Variants in PTPRD observed in about 807,000 individuals in gnomAD.
PTPRD encodes the protein protein tyrosine phosphatase receptor type D.
A neutral mutation model predicts 214.5 loss-of-function variants in PTPRD; 34 were observed. The observed-to-expected ratio is 0.16, with a 90% CI of 0.12 to 0.21. PTPRD has a LOEUF of 0.21. Ranked by LOEUF, PTPRD falls within the 10% of genes least tolerant of loss-of-function variation. PTPRD has a pLI of 1.00. For missense variants in PTPRD, 2,545 were observed against 2,398.7 expected (o/e 1.06, Z -1.27); for synonymous variants, 1,128 against 845.7 (o/e 1.33, Z -5.79).
intron 11 of PTPRD, among the ~76,000 whole-genome samples, chr9:8,795,883 G>C (rs992251235): frequency 1.3e-5 from 2 of 151,986 alleles, no homozygotes; most frequent in Admixed American, 6.6e-5. Flanking sequence ...CAAACAAAAT[G>C]CATAAAAGTA....
At chr9:10,337,141 G>A (rs12380295) in intron 3 of PTPRD, among the ~76,000 whole-genome samples, 6 of 151,472 alleles carry the variant, frequency 4.0e-5, no homozygotes, top group Non-Finnish European at 8.9e-5. Flanking sequence ...TTCTAAAATC[G>A]AGTGGCCCAA....
chr9:8,473,799 G>A (rs1454965429), intron 30 of PTPRD, among the ~76,000 whole-genome samples: 2 of 152,166 alleles, frequency 1.3e-5, no homozygotes, highest in African/African-American at 4.8e-5. Context: ...GGTGCGGCAA[G>A]ATATCCACAA....
chr9:10,525,727 A>AGTGTGTGTGTGTGTGTGTGTGTGTGT (rs398010299), intron 2 of PTPRD, among the ~76,000 whole-genome samples: 67 of 147,050 alleles, frequency 4.6e-4, no homozygotes, highest in African/African-American at 1.5e-3. Context: ...AGATTTTCAA[A>AGTGTGTGTGTGTGTGTGTGTGTGTGT]GTGTGTGTGT....
intron 8 of PTPRD, among the ~76,000 whole-genome samples, chr9:9,493,910 G>A (rs1589820494): frequency 6.6e-6 from 1 of 151,514 alleles, no homozygotes; most frequent in South Asian, 2.1e-4. Flanking sequence ...AAACCTTGCA[G>A]AAAAAATTTA....
chr9:10,439,637 T>C (rs1478393398), intron 2 of PTPRD, among the ~76,000 whole-genome samples: 1 of 151,400 alleles, frequency 6.6e-6, no homozygotes, highest in Non-Finnish European at 1.5e-5. Flanking sequence ...AACTATAAAG[T>C]GAGTTTTAAA....
At chr9:9,095,068 C>T (rs1212336830) in intron 10 of PTPRD, among the ~76,000 whole-genome samples, 2 of 152,070 alleles carry the variant, frequency 1.3e-5, no homozygotes, top group Non-Finnish European at 2.9e-5. Context: ...ATGGTAAAAA[C>T]TTGCAGCAAG....
At chr9:8,657,189 C>CA (rs1301317535) in intron 12 of PTPRD, among the ~76,000 whole-genome samples, 1 of 120,248 alleles carries the variant, frequency 8.3e-6, no homozygotes, top group Non-Finnish European at 1.7e-5. Flanking sequence ...TTTTTTGAGA[C>CA]AGAGTTTCAC....
chr9:8,782,832 G>C (rs536722406), intron 11 of PTPRD, among the ~76,000 whole-genome samples: 5 of 152,176 alleles, frequency 3.3e-5, no homozygotes, highest in Admixed American at 3.3e-4. Flanking sequence ...CTGACCTCGT[G>C]ATCTGCCCTC....
At chr9:9,271,715 CCTT>C (rs1223520834) in intron 9 of PTPRD, among the ~76,000 whole-genome samples, 3 of 151,234 alleles carry the variant, frequency 2.0e-5, no homozygotes, top group Non-Finnish European at 4.4e-5. Context: ...TAATCAAACA[CCTT>C]CTCAATCTGT....
At chr9:10,115,982 A>T (rs1454117484) in intron 3 of PTPRD, among the ~76,000 whole-genome samples, 11 of 152,100 alleles carry the variant, frequency 7.2e-5, no homozygotes, top group Admixed American at 5.2e-4. Context: ...TAAGATAGAA[A>T]AAAAGGAGAG....
chr9:8,556,888 T>C (rs1476042466), intron 14 of PTPRD, among the ~76,000 whole-genome samples: 1 of 152,096 alleles, frequency 6.6e-6, no homozygotes, highest in African/African-American at 2.4e-5. Flanking sequence ...CCTAATGAAT[T>C]AGAAAGACAA....
chr9:10,213,554 A>G (rs1412781578), intron 3 of PTPRD, among the ~76,000 whole-genome samples: 3 of 152,294 alleles, frequency 2.0e-5, no homozygotes, highest in Middle Eastern at 3.4e-3. Flanking sequence ...AGAGCAAGAT[A>G]TAGTATTTCA....
At chr9:10,509,954 A>G (rs1355426976) in intron 2 of PTPRD, among the ~76,000 whole-genome samples, 1 of 152,002 alleles carries the variant, frequency 6.6e-6, no homozygotes, top group Non-Finnish European at 1.5e-5. Flanking sequence ...TCACTCTAGT[A>G]TTCCTATTTC....
intron 11 of PTPRD, among the ~76,000 whole-genome samples, chr9:8,845,696 A>G (rs1389961931): frequency 6.6e-6 from 1 of 152,198 alleles, no homozygotes; most frequent in Non-Finnish European, 1.5e-5. Context: ...CTCAACATAA[A>G]CAAGAGGCCC....
chr9:10,193,952 T>C (rs1448821356), intron 3 of PTPRD, among the ~76,000 whole-genome samples: 1 of 152,148 alleles, frequency 6.6e-6, no homozygotes, highest in Non-Finnish European at 1.5e-5. Context: ...TGATCAACTA[T>C]TGCTGTGCTC....
At chr9:9,481,133 G>C (rs553125045) in intron 8 of PTPRD, among the ~76,000 whole-genome samples, 30 of 152,268 alleles carry the variant, frequency 2.0e-4, no homozygotes, top group African/African-American at 7.0e-4. Context: ...TGACAGTTAA[G>C]TGGTAAAGGG....
rs148764639 is a variant in PTPRD at position 9,895,879 on chromosome 9, C to T, written c.-368+42628G>A. 2.1e-3 allele frequency among the ~76,000 whole-genome samples: 319 copies of T among 151,920 alleles called. 1 individual carries two copies. Among genetic ancestry groups the T allele is most frequent in the Non-Finnish European group, 3.1e-3 (208 of 67,966 alleles). Reference sequence around the variant, plus strand: ...AATAACTTAAAAATCGAGTCTATCACGAAGGTGATGAATAAAGTCATTTTT... The same window carrying T: ...AATAACTTAAAAATCGAGTCTATCATGAAGGTGATGAATAAAGTCATTTTT... On this transcript the variant is annotated intron_variant, in intron 5 of 45. Coordinates refer to ENST00000381196, the MANE Select transcript of PTPRD (RefSeq NM_002839.4).
intron 5 of PTPRD, among the ~76,000 whole-genome samples, chr9:9,924,320 C>A (rs113615024): frequency 6.6e-6 from 1 of 151,950 alleles, no homozygotes; most frequent in Non-Finnish European, 1.5e-5. Context: ...ACCAGATACA[C>A]GAGCTAAACA....
At chr9:8,935,137 A>G (rs890692999) in intron 11 of PTPRD, among the ~76,000 whole-genome samples, 5 of 152,188 alleles carry the variant, frequency 3.3e-5, no homozygotes, top group Admixed American at 6.6e-5. Flanking sequence ...AGGTACACAG[A>G]TATCTTGAAA....
Sources: gnomAD v4.1 joint callset for allele counts (sites outside exome capture counted in the v4.1 genomes callset) on GRCh38, gnomAD v4.1.1 for gene constraint, MANE v1.5 for transcripts, NCBI Gene and HGNC (gene_info 2026-07-23, HGNC 2026-07-21) for gene names.